Variants in JKAMP observed in about 807,000 individuals in gnomAD.
JKAMP encodes the protein JNK1/MAPK8-associated membrane protein.
A neutral mutation model predicts 40.2 loss-of-function variants in JKAMP; 20 were observed. The observed-to-expected ratio is 0.50, with a 90% CI of 0.35 to 0.72. The LOEUF is 0.72. Ranked by LOEUF, JKAMP falls within the 30% of genes least tolerant of loss-of-function variation. The pLI is 0.01. For synonymous variants in JKAMP, 138 were observed against 131.6 expected (o/e 1.05, Z -0.33); for missense variants, 276 against 373.0 (o/e 0.74, Z 2.14).
chr14:59,501,783 T>G (rs912532154), intron 6 of JKAMP, among the ~76,000 whole-genome samples: 1 of 152,220 alleles, frequency 6.6e-6, no homozygotes, highest in Non-Finnish European at 1.5e-5. Flanking sequence ...AGCCACATTA[T>G]TCTGATACTG....
In JKAMP at chr14:59,504,330, C is replaced by G; in HGVS notation, c.*258C>G. ...GCTAGGAAGCCCTTGCTTCTCTCAACAGTTCAGCTGTTCTTTAGGGCAAAA... is the reference window on the plus strand; with the variant it reads ...GCTAGGAAGCCCTTGCTTCTCTCAAGAGTTCAGCTGTTCTTTAGGGCAAAA... On this transcript the variant is annotated 3_prime_UTR_variant, in exon 7 of 7. Transcript: ENST00000616435. The G allele has an allele frequency of 2.3e-6, 1 of 436,668 alleles. No homozygotes were observed. The highest frequency in any genetic ancestry group is 4.1e-6 in the Non-Finnish European group (1 of 245,734). 27.0% of individuals were successfully genotyped at this position (436,668 alleles called of 1,614,324 possible).
intron 4 of JKAMP, among the ~76,000 whole-genome samples, chr14:59,496,996 ATT>A (rs374179256): frequency 2.4e-4 from 33 of 138,132 alleles, no homozygotes; most frequent in Non-Finnish European, 2.7e-4. Context: ...AGTCATAGTA[ATT>A]TTTTTTTTTT....
chr14:59,501,277 C>CT lies in JKAMP; in HGVS notation c.717+17dup. The CT allele has an allele frequency of 4.5e-6, 7 of 1,541,376 alleles. No individual in the cohort carries two copies. The highest frequency in any genetic ancestry group is 1.7e-5 in the Admixed American group (1 of 57,164). On this transcript the variant is annotated intron_variant, in intron 6 of 6. Coordinates refer to ENST00000616435, the MANE Select transcript of JKAMP (RefSeq NM_016475.5). ...TGCTTCTGAAATAGAGGTAGGAAGT[C>CT]TTTTTTTCCTTTGTTAAAGACTTTT...
chr14:59,502,773 T>TTTTTTTTTTTTTTTTTTG (rs796697193), intron 6 of JKAMP, among the ~76,000 whole-genome samples: 8 of 102,846 alleles, frequency 7.8e-5, no homozygotes, highest in African/African-American at 2.7e-4. Flanking sequence ...TTTTTTTTTT[T>TTTTTTTTTTTTTTTTTTG]CGGAGTCTCA....
At chr14:59,486,468 C>G (rs1890581596) in intron 1 of JKAMP, among the ~76,000 whole-genome samples, 1 of 152,166 alleles carries the variant, frequency 6.6e-6, no homozygotes, top group Non-Finnish European at 1.5e-5. Flanking sequence ...GAGATAGATC[C>G]TGCTCTGCTG....
intron 3 of JKAMP, among the ~76,000 whole-genome samples, chr14:59,492,425 T>TA (rs1309216657): frequency 1.3e-5 from 2 of 152,138 alleles, no homozygotes; most frequent in African/African-American, 2.4e-5. Flanking sequence ...CTTAAAGTCT[T>TA]ACACCTCACA....
rs1372833111 is a variant in JKAMP, at chr14:59,504,553, TG to T, written c.*482del. 1 of 153,688 alleles carries T rather than the reference TG, an allele frequency of 6.5e-6. No individual in the cohort carries two copies. The highest frequency in any genetic ancestry group is 1.5e-5 in the Non-Finnish European group (1 of 68,818). 9.5% of individuals were successfully genotyped at this position (153,688 alleles called of 1,614,324 possible). ...CATAGAAATGATGTATATTGTTTTT[TG>T]TTATCTATTTATTTTCATCAATACA... On this transcript the variant is annotated 3_prime_UTR_variant, in exon 7 of 7. Coordinates refer to ENST00000616435, the MANE Select transcript of JKAMP (RefSeq NM_016475.5).
chr14:59,495,117 T>A lies in JKAMP; in HGVS notation c.351T>A (p.Ile117=). The change falls in exon 4 of 7, where the codon ATT becomes ATA. Residue 117 remains isoleucine (I), a synonymous_variant. Transcript: ENST00000616435. ...GTGATCCAGTTGGTGTTCTTTATAT[T>A]CGTTCATGTCGAGTATTGATGCTTT... The part of the protein sequence containing the change: ...LVSDPVGVLY[I]RSCRVLMLSD... 6.2e-7 allele frequency: 1 copy of A among 1,613,640 alleles called. No homozygotes were observed. Among genetic ancestry groups the A allele is most frequent in the Non-Finnish European group, 8.5e-7 (1 of 1,179,556 alleles).
At chr14:59,503,247 A>AAGTT (rs1480593846) in intron 6 of JKAMP, among the ~76,000 whole-genome samples, 2 of 152,336 alleles carry the variant, frequency 1.3e-5, no homozygotes, top group South Asian at 4.1e-4. Flanking sequence ...TAATAAGAGA[A>AAGTT]AGTTAGTAAC....
chr14:59,494,233 G>A (rs959697702), intron 3 of JKAMP, among the ~76,000 whole-genome samples: 3 of 151,084 alleles, frequency 2.0e-5, no homozygotes, highest in African/African-American at 7.4e-5. Flanking sequence ...TTAAAATTTA[G>A]AACATGTTTA....
In JKAMP at chr14:59,504,538, A is replaced by G; in HGVS notation, c.*466A>G. 6.5e-6 allele frequency: 1 copy of G among 154,326 alleles called. No individual in the cohort carries two copies. Among genetic ancestry groups the G allele is most frequent in the South Asian group, 2.0e-4 (1 of 4,880 alleles). 9.6% of individuals were successfully genotyped at this position (154,326 alleles called of 1,614,324 possible). On this transcript the variant is annotated 3_prime_UTR_variant, in exon 7 of 7. Coordinates refer to ENST00000616435, the MANE Select transcript of JKAMP (RefSeq NM_016475.5). ...GGGTCTGATAGCAAACATAGAAATG[A>G]TGTATATTGTTTTTTGTTATCTATT...
chr14:59,492,835 T>C (rs956338035), intron 3 of JKAMP, among the ~76,000 whole-genome samples: 2 of 149,684 alleles, frequency 1.3e-5, no homozygotes, highest in African/African-American at 5.0e-5. Flanking sequence ...TCTTGCTCTG[T>C]TGCCCAGGCT....
intron 6 of JKAMP, among the ~76,000 whole-genome samples, chr14:59,502,760 T>TTTTTTTTTGTTTTTG (rs1892014327): frequency 7.7e-6 from 1 of 130,112 alleles, no homozygotes; most frequent in African/African-American, 2.9e-5. Flanking sequence ...ATTTTTTTTT[T>TTTTTTTTTGTTTTTG]TTTTTTTTTT....
intron 6 of JKAMP, among the ~76,000 whole-genome samples, chr14:59,503,082 A>T (rs576789833): frequency 6.6e-6 from 1 of 151,438 alleles, no homozygotes; most frequent in South Asian, 2.1e-4. Flanking sequence ...GTTAAGAATT[A>T]GCTATACACT....
intron 4 of JKAMP, among the ~76,000 whole-genome samples, chr14:59,495,744 T>C (rs1233248104): frequency 6.6e-6 from 1 of 152,236 alleles, no homozygotes; most frequent in East Asian, 1.9e-4. Flanking sequence ...ATTTATATTC[T>C]CATAATTGTA....
In JKAMP at chr14:59,503,975, T is replaced by G. The variant is rs1440619759; in HGVS notation, c.839T>G (p.Leu280Arg). 3.1e-6 allele frequency: 5 copies of G among 1,613,696 alleles called. No homozygotes were observed. The change falls in exon 7 of 7, where the codon CTT becomes CGT. Residue 280 changes from leucine (L) to arginine (R), a missense_variant. By Grantham distance (102) the Leu-to-Arg change is moderately radical. Coordinates refer to ENST00000616435, the MANE Select transcript of JKAMP (RefSeq NM_016475.5). ...GATAAACTTGAGCAAGATTTGCCCC[T>G]TTTGGCTTTGGTACCTACACCAGCC... ...RVDKLEQDLP[L>R]LALVPTPALF... is the part of the protein sequence containing the mutation.
At position 59,487,709 on chromosome 14, in the gene JKAMP, A is replaced by G. The variant is rs913086836; in HGVS notation, c.132A>G (p.Lys44=). ...GAGGACAGAGAACGAATGCACAGAA[A>G]TATTGTCAGCCTTGCACAGAATCTC... The part of the protein sequence containing the change: ...CPRGQRTNAQ[K]YCQPCTESPE... The change falls in exon 3 of 7, where the codon AAA becomes AAG. Residue 44 remains lysine, a synonymous_variant. Coordinates refer to ENST00000616435, the MANE Select transcript of JKAMP (RefSeq NM_016475.5). 7.4e-6 allele frequency: 12 copies of G among 1,613,350 alleles called. No individual in the cohort carries two copies. Among genetic ancestry groups the G allele is most frequent in the Non-Finnish European group, 1.0e-5 (12 of 1,179,396 alleles).
In JKAMP at chr14:59,487,062, G is replaced by C. The variant is rs1890636911; in HGVS notation, c.96+258G>C. 1.0e-5 allele frequency: 3 copies of C among 292,116 alleles called. No individual in the cohort carries two copies. In the South Asian group the frequency reaches 1.4e-4, roughly 13 times the overall value. 18.1% of individuals were successfully genotyped at this position (292,116 alleles called of 1,614,324 possible). ...CTAAAAATAGAAAAAAATTAGCTGG[G>C]CATAGTTGTGTGCGCCTGTAGTCCC... On this transcript the variant is annotated intron_variant, in intron 2 of 6. Coordinates refer to ENST00000616435, the MANE Select transcript of JKAMP (RefSeq NM_016475.5).
rs1566583958 is a variant in JKAMP, at chr14:59,502,759, T to TGTTTTGTTTTG, written c.718-1095_718-1094insGTTTTGTTTTG. On this transcript the variant is annotated intron_variant, in intron 6 of 6. Transcript: ENST00000616435. ...ATTTGAATAAAATGAGATTTTTTTT[T>TGTTTTGTTTTG]TTTTTTTTTTTTTTCGGAGTCTCAC... Among the ~76,000 whole-genome samples the TGTTTTGTTTTG allele has an allele frequency of 1.1e-4, 15 of 131,032 alleles. 1 individual carries two copies. The highest frequency in any genetic ancestry group is 2.7e-4 in the South Asian group (1 of 3,772). The allele number at this position is 131,032 out of a possible 152,430, so 86.0% of individuals were successfully genotyped here.
Sources: allele counts gnomAD v4.1 joint callset (sites outside exome capture counted in the v4.1 genomes callset), GRCh38; gene constraint gnomAD v4.1.1; transcripts MANE v1.5; gene names NCBI Gene and HGNC (gene_info 2026-07-23, HGNC 2026-07-21).